The following ADAMTS4 variants were observed in gnomAD, a reference collection of about 807,000 sequenced individuals.
The protein encoded by ADAMTS4 is ADAM metallopeptidase with thrombospondin type 1 motif 4, also known as A disintegrin and metalloproteinase with thrombospondin motifs 4.
ADAMTS4 carries 38 observed loss-of-function variants against 66.7 expected under a neutral mutation model. The observed-to-expected ratio is 0.57, with a 90% CI of 0.44 to 0.75. ADAMTS4 has a LOEUF of 0.75. Among genes scored for constraint, ADAMTS4 ranks in the 30% least tolerant of loss-of-function variants. The probability of loss-of-function intolerance (pLI) is 0.00; values close to 1 mark genes in which losing one functional copy is unlikely to be tolerated. For missense variants in ADAMTS4, 1,014 were observed against 1,116.7 expected (o/e 0.91, Z 1.31); for synonymous variants, 418 against 461.5 (o/e 0.91, Z 1.21).
chr1:161,196,991 G>T, intron 1 of ADAMTS4, 111 bp from the exon 2 acceptor site: 1 of 1,037,192 alleles, frequency 9.6e-7, no homozygotes, highest in East Asian at 2.4e-5. Flanking sequence ...AGTCAGCTGG[G>T]CCCCACACAC....
rs543363103 is a variant in ADAMTS4 at position 161,193,920 on chromosome 1, G to A, written c.1548+15C>T. 6.4e-7 allele frequency: 1 copy of A among 1,566,462 alleles called. No homozygotes were observed. Among genetic ancestry groups the A allele is most frequent in the African/African-American group, 1.3e-5 (1 of 74,126 alleles). ...CCCCCGGGCCCTTTACCCCACCCCT[G>A]CCCTAGGATCTCACATTGAAGTCCT... On this transcript the variant is annotated intron_variant, in intron 5 of 8. Coordinates refer to ENST00000367996, the MANE Select transcript of ADAMTS4 (RefSeq NM_005099.6). The surrounding 1 kb of genome is among the most constrained non-coding windows in gnomAD (Gnocchi z 4.4).
In ADAMTS4 at chr1:161,193,222, C is replaced by T. The variant is rs775396815; in HGVS notation, c.1902G>A (p.Leu634=). Residue 634 remains leucine (L), a synonymous_variant, in exon 7 of 9, where the codon CTG becomes CTA. Coordinates refer to ENST00000367996, the MANE Select transcript of ADAMTS4 (RefSeq NM_005099.6). The surrounding 1 kb of genome is among the most constrained non-coding windows in gnomAD (Gnocchi z 4.4). ...GTGTCCTGACCCTCACCCGTGGCTC[C>T]AGCACATAGTAGTAGCCCAGTGCCT... ...QAQALGYYYV[L]EPRVVDGTPC... is the part of the protein sequence containing the mutation. 6.2e-7 allele frequency: 1 copy of T among 1,613,148 alleles called. No individual in the cohort carries two copies. The highest frequency in any genetic ancestry group is 8.5e-7 in the Non-Finnish European group (1 of 1,179,566).
At position 161,185,107 on chromosome 1, in the gene ADAMTS4, A is replaced by G. The variant is rs954756261; in HGVS notation, c.*6031T>C. The stretch of plus-strand genomic sequence containing the variant: ...ATACCTAATGCTAAATGATGAGTTA[A>G]TGGGTGCAGCACACCAGCATGGCAC... On this transcript the variant is annotated 3_prime_UTR_variant, in exon 9 of 9. Transcript: ENST00000367996. The G allele has an allele frequency of 5.3e-5, 8 of 151,296 alleles. No homozygotes were observed. The highest frequency in any genetic ancestry group is 2.0e-4 in the Admixed American group (3 of 15,170). The allele number at this position is 151,296 out of a possible 1,614,324, so 9.4% of individuals were successfully genotyped here.
At position 161,193,225 on chromosome 1, in the gene ADAMTS4, C is replaced by G. The variant is rs1321476140; in HGVS notation, c.1899G>C (p.Val633=). 6.2e-7 allele frequency: 1 copy of G among 1,613,428 alleles called. No homozygotes were observed. Among genetic ancestry groups the G allele is most frequent in the African/African-American group, 1.3e-5 (1 of 75,030 alleles). Residue 633 remains valine, a synonymous_variant, in exon 7 of 9, where the codon GTG becomes GTC. Transcript: ENST00000367996. The surrounding 1 kb of genome is among the most constrained non-coding windows in gnomAD (Gnocchi z 4.4). ...CQAQALGYYY[V]LEPRVVDGTP... ...TCCTGACCCTCACCCGTGGCTCCAGCACATAGTAGTAGCCCAGTGCCTGGG... is the reference window on the plus strand; with the variant it reads ...TCCTGACCCTCACCCGTGGCTCCAGGACATAGTAGTAGCCCAGTGCCTGGG...
At position 161,195,525 on chromosome 1, in the gene ADAMTS4, C is replaced by G. The variant is rs763911721; in HGVS notation, c.1201G>C (p.Glu401Gln). ...MAPVMAHVDP[E>Q]EPWSPCSARF... ...GCACTGCAGGGGGACCAGGGCTCCTCAGGATCCACATGAGCCATCACAGGG... is the reference window on the plus strand; with the variant it reads ...GCACTGCAGGGGGACCAGGGCTCCTGAGGATCCACATGAGCCATCACAGGG... Residue 401 changes from glutamate to glutamine, a missense_variant, in exon 4 of 9, where the codon GAG becomes CAG. Glu to Gln is a conservative substitution (Grantham distance 29, BLOSUM62 2). Transcript: ENST00000367996. 1.9e-6 allele frequency: 3 copies of G among 1,613,942 alleles called. No individual in the cohort carries two copies. In the South Asian group the frequency reaches 3.3e-5, roughly 18 times the overall value.
In ADAMTS4 at chr1:161,190,917, G is replaced by T. The variant is rs1200356805; in HGVS notation, c.*221C>A. 15 of 501,056 alleles carry T rather than the reference G, an allele frequency of 3.0e-5. No homozygotes were observed. In the East Asian group the frequency reaches 4.3e-4, roughly 14 times the overall value. The allele number at this position is 501,056 out of a possible 1,614,324, so 31.0% of individuals were successfully genotyped here. On this transcript the variant is annotated 3_prime_UTR_variant, in exon 9 of 9. Transcript: ENST00000367996. Reference sequence around the variant, plus strand: ...GCAGAGGGGGCAGTTTAGATGGAGGGCTGTCTGTCAGCCCCTTCCATCCAC... The same window carrying T: ...GCAGAGGGGGCAGTTTAGATGGAGGTCTGTCTGTCAGCCCCTTCCATCCAC...
chr1:161,191,077 C>G lies in ADAMTS4; in HGVS notation c.*61G>C. The stretch of plus-strand genomic sequence containing the variant: ...AGCATGAGGCAGCAACAGAAGCTCT[C>G]TCTTTCTCCCAGCTAAGTCCGAGGC... On this transcript the variant is annotated 3_prime_UTR_variant, in exon 9 of 9. Transcript: ENST00000367996. 6.7e-7 allele frequency: 1 copy of G among 1,494,308 alleles called. No homozygotes were observed. The highest frequency in any genetic ancestry group is 8.9e-7 in the Non-Finnish European group (1 of 1,122,882). The allele number at this position is 1,494,308 out of a possible 1,614,324, so 92.6% of individuals were successfully genotyped here. A position where few individuals can be genotyped will look rare whatever the true frequency, so the allele number is the denominator to read the frequency against.
Position 161,198,104 on chromosome 1 carries a change from C to T in ADAMTS4, c.524G>A (p.Gly175Glu). 2 of 1,613,618 alleles carry T rather than the reference C, an allele frequency of 1.2e-6. No individual in the cohort carries two copies. The highest frequency in any genetic ancestry group is 1.7e-6 in the Non-Finnish European group (2 of 1,179,742). The change falls in exon 1 of 9, where the codon GGA becomes GAA. Residue 175 changes from glycine to glutamate, a missense_variant. Transcript: ENST00000367996. The surrounding 1 kb of genome is among the most constrained non-coding windows in gnomAD (Gnocchi z 4.7). ...CCGGCGTAGGATGTGAGCCCCAGGT[C>T]CCCCAGCAGAGTTAGGGGTGCCTCC... ...LEGGTPNSAGGPGAHILRRKS... is the reference protein window; with the variant it reads ...LEGGTPNSAGEPGAHILRRKS...
chr1:161,194,177 C>T lies in ADAMTS4; in HGVS notation c.1306G>A (p.Val436Met), dbSNP rs781649111. The T allele has an allele frequency of 6.9e-5, 111 of 1,614,008 alleles. No individual in the cohort carries two copies. The highest frequency in any genetic ancestry group is 9.2e-5 in the Non-Finnish European group (108 of 1,180,010). The change falls in exon 5 of 9, where the codon GTG becomes ATG. Residue 436 changes from valine to methionine, a missense_variant. By Grantham distance (21) the Val-to-Met change is conservative. Transcript: ENST00000367996. The surrounding 1 kb of genome is among the most constrained non-coding windows in gnomAD (Gnocchi z 4.1). The stretch of plus-strand genomic sequence containing the variant: ...TCATAGTCCTTGCCAGGGAAAGTCA[C>T]AGGCAGATGCAATGGAGCCTCTGGT... ...DKPEAPLHLP[V>M]TFPGKDYDAD...
intron 1 of ADAMTS4, 80 bp downstream of exon 1, chr1:161,197,915 G>T: frequency 6.6e-7 from 1 of 1,505,600 alleles, no homozygotes; most frequent in Non-Finnish European, 8.9e-7. Flanking sequence ...GTGTAAGTGG[G>T]TGGAGAGAGG....
chr1:161,198,910 G>A lies in ADAMTS4; in HGVS notation c.-283C>T. On this transcript the variant is annotated 5_prime_UTR_variant, in exon 1 of 9. Transcript: ENST00000367996. This position sits in a 1 kb window ranked among gnomAD's most constrained non-coding sequence, Gnocchi z 4.7. ...TGCCTGTGTCTTCTGCAGCTTCTCT[G>A]GCCTCTCCCTCTGTAGGACTCTGTC... 2.5e-6 allele frequency: 1 copy of A among 395,896 alleles called. No individual in the cohort carries two copies. Among genetic ancestry groups the A allele is most frequent in the Non-Finnish European group, 4.5e-6 (1 of 221,618 alleles). 24.5% of individuals were successfully genotyped at this position (395,896 alleles called of 1,614,324 possible). A position where few individuals can be genotyped will look rare whatever the true frequency, so the allele number is the denominator to read the frequency against.
rs952086956 is a variant in ADAMTS4, at chr1:161,187,931, G to A, written c.*3207C>T. 2 of 151,016 alleles carry A rather than the reference G, an allele frequency of 1.3e-5. No homozygotes were observed. Among genetic ancestry groups the A allele is most frequent in the African/African-American group, 5.0e-5 (2 of 40,322 alleles). The allele number at this position is 151,016 out of a possible 1,614,324, so 9.4% of individuals were successfully genotyped here. A position where few individuals can be genotyped will look rare whatever the true frequency, so the allele number is the denominator to read the frequency against. On this transcript the variant is annotated 3_prime_UTR_variant, in exon 9 of 9. Coordinates refer to ENST00000367996, the MANE Select transcript of ADAMTS4 (RefSeq NM_005099.6). ...CCTGTTCCATCCATGACACATAGAG[G>A]ACTGCCCAAGTTCTTTTTTTTTTTT...
Position 161,198,284 on chromosome 1 carries a change from G to T in ADAMTS4, c.344C>A (p.Ala115Glu), listed in dbSNP as rs751288859. Reference sequence around the variant, plus strand: ...CTCTGCTCCACCCAGCAGCTCAGGCGCCTGGCCCAGGTACTGCACTGTCAG... The same window carrying T: ...CTCTGCTCCACCCAGCAGCTCAGGCTCCTGGCCCAGGTACTGCACTGTCAG... The part of the protein sequence containing the change: ...EGLTVQYLGQ[A>E]PELLGGAEPG... The change falls in exon 1 of 9, where the codon GCG (alanine) becomes GAG (glutamate). Residue 115 changes from alanine to glutamate, a missense_variant. Coordinates refer to ENST00000367996, the MANE Select transcript of ADAMTS4 (RefSeq NM_005099.6). The surrounding 1 kb of genome is among the most constrained non-coding windows in gnomAD (Gnocchi z 4.7). 5 of 1,613,728 alleles carry T rather than the reference G, an allele frequency of 3.1e-6. No homozygotes were observed. Among genetic ancestry groups the T allele is most frequent in the Non-Finnish European group, 4.2e-6 (5 of 1,180,022 alleles).
In ADAMTS4 at chr1:161,194,404, T is replaced by C. The variant is rs1664765012; in HGVS notation, c.1262-183A>G. ...TTAATTACTTACTTTTTTTTTTTTT[T>C]CCTGAGACAGAGTCTTGCTCTGTCG... On this transcript the variant is annotated intron_variant, in intron 4 of 8. Coordinates refer to ENST00000367996, the MANE Select transcript of ADAMTS4 (RefSeq NM_005099.6). This position sits in a 1 kb window ranked among gnomAD's most constrained non-coding sequence, Gnocchi z 4.1. Among the ~76,000 whole-genome samples, 1 of 151,578 alleles carries C rather than the reference T, an allele frequency of 6.6e-6. No homozygotes were observed. The highest frequency in any genetic ancestry group is 6.6e-5 in the Admixed American group (1 of 15,220).
rs1664550087 is a variant in ADAMTS4 at position 161,186,768 on chromosome 1, GT to G, written c.*4369del. The stretch of plus-strand genomic sequence containing the variant: ...CATCCCAACACTTTGGGAGATCGAG[GT>G]GGGAAGATCCCTTGAGGCCAGGAGT... On this transcript the variant is annotated 3_prime_UTR_variant, in exon 9 of 9. Transcript: ENST00000367996. The G allele has an allele frequency of 2.0e-5, 3 of 152,324 alleles. No homozygotes were observed. Among genetic ancestry groups the G allele is most frequent in the Admixed American group, 1.3e-4 (2 of 15,296 alleles). 9.4% of individuals were successfully genotyped at this position (152,324 alleles called of 1,614,324 possible). A position where few individuals can be genotyped will look rare whatever the true frequency, so the allele number is the denominator to read the frequency against.
At position 161,188,720 on chromosome 1, in the gene ADAMTS4, GT is replaced by G. The variant is rs1373419749; in HGVS notation, c.*2417del. 10 of 149,534 alleles carry G rather than the reference GT, an allele frequency of 6.7e-5. No individual in the cohort carries two copies. The highest frequency in any genetic ancestry group is 1.2e-4 in the Non-Finnish European group (8 of 67,438). 9.3% of individuals were successfully genotyped at this position (149,534 alleles called of 1,614,324 possible). A position where few individuals can be genotyped will look rare whatever the true frequency, so the allele number is the denominator to read the frequency against. The stretch of plus-strand genomic sequence containing the variant: ...TCCTGCCAAACCATATCCTGTTTTT[GT>G]TTTTGTTTTTGTATCGAGACGAGTC... On this transcript the variant is annotated 3_prime_UTR_variant, in exon 9 of 9. Transcript: ENST00000367996.
At chr1:161,197,928 G>A (rs2102018851) in intron 1 of ADAMTS4, 67 bp downstream of exon 1, 3 of 1,511,100 alleles carry the variant, frequency 2.0e-6, no homozygotes, top group Non-Finnish European at 2.7e-6. Flanking sequence ...GAGAGAGGGT[G>A]AATAGGGGTC....
rs145319567 is a variant in ADAMTS4, at chr1:161,193,248, G to A, written c.1876C>T (p.Gln626Ter). ...QDQCKLTCQA[Q>*]ALGYYYVLEP... ...AGCACATAGTAGTAGCCCAGTGCCT[G>A]GGCCTGGCAGGTGAGTTTGCACTGG... The change falls in exon 7 of 9, where the codon CAG becomes TAG. Residue 626 changes from glutamine to a stop codon, truncating the protein, a stop_gained. Coordinates refer to ENST00000367996, the MANE Select transcript of ADAMTS4 (RefSeq NM_005099.6). LOFTEE classifies it high-confidence loss of function. This position sits in a 1 kb window ranked among gnomAD's most constrained non-coding sequence, Gnocchi z 4.4. The A allele has an allele frequency of 6.9e-5, 111 of 1,613,684 alleles. No homozygotes were observed. The highest frequency in any genetic ancestry group is 3.3e-4 in the Middle Eastern group (2 of 6,052).
chr1:161,191,694 G>A lies in ADAMTS4; in HGVS notation c.2088-130C>T, dbSNP rs150697136. ...TCACCCAATCCTATGTGAGCTGTTC[G>A]GTCTGGATCAGAGCTACATGCACAT... On this transcript the variant is annotated intron_variant, in intron 8 of 8. Transcript: ENST00000367996. 794 of 967,752 alleles carry A rather than the reference G, an allele frequency of 8.2e-4. 4 individuals are homozygous for A. In the African/African-American group the frequency reaches 0.011, roughly 14 times the overall value. The allele number at this position is 967,752 out of a possible 1,614,324, so 59.9% of individuals were successfully genotyped here.
Sources: allele counts gnomAD v4.1 joint callset (sites outside exome capture counted in the v4.1 genomes callset), GRCh38; gene constraint gnomAD v4.1.1; non-coding constraint Gnocchi (gnomAD v3.1); transcripts MANE v1.5; gene names NCBI Gene and HGNC (gene_info 2026-07-23, HGNC 2026-07-21).